CCNY: variants seen among roughly 807,000 people sequenced by gnomAD.
The protein encoded by CCNY is cyclin-Y.
A neutral mutation model predicts 42.8 loss-of-function variants in CCNY; 19 were observed. That is an observed-to-expected ratio of 0.44 (90% CI 0.31 to 0.65). The LOEUF (loss-of-function observed/expected upper bound fraction) is 0.65, where lower values mean the gene tolerates loss of function less well. CCNY is among the 30% of genes least tolerant of loss of function. The pLI, the probability that CCNY is intolerant of heterozygous loss-of-function variation, is 0.07. For missense variants in CCNY, 370 were observed against 437.3 expected, an observed-to-expected ratio of 0.85 and a Z score of 1.37; for synonymous variants, 165 against 162.7, an observed-to-expected ratio of 1.01 and a Z score of -0.11.
At chr10:35,488,799 A>G (rs1839838332) in intron 2 of CCNY, among the ~76,000 whole-genome samples, 1 of 152,234 alleles carries the variant, frequency 6.6e-6, no homozygotes, top group East Asian at 1.9e-4. Context: ...TACCAGAGTG[A>G]TTTGATACCC....
intron 5 of CCNY, among the ~76,000 whole-genome samples, chr10:35,527,436 A>G (rs1477363782): frequency 2.0e-5 from 3 of 152,344 alleles, no homozygotes; most frequent in South Asian, 2.1e-4. Flanking sequence ...CAGAGCTGAT[A>G]ATAATGAGTT....
chr10:35,349,503 G>A (rs1346876525), intron 1 of CCNY, among the ~76,000 whole-genome samples: 2 of 152,204 alleles, frequency 1.3e-5, no homozygotes, highest in Admixed American at 6.5e-5. Context: ...GCAAGTTGGC[G>A]ATACACTTCT....
chr10:35,554,071 G>A (rs767858156), intron 8 of CCNY, among the ~76,000 whole-genome samples: 2 of 152,144 alleles, frequency 1.3e-5, no homozygotes, highest in Non-Finnish European at 1.5e-5. Flanking sequence ...TAAGCTGGAG[G>A]AGGTTACCAG....
At chr10:35,533,999 T>G (rs960248885) in intron 7 of CCNY, among the ~76,000 whole-genome samples, 3 of 152,066 alleles carry the variant, frequency 2.0e-5, no homozygotes, top group Non-Finnish European at 4.4e-5. Flanking sequence ...TTTAGAACAT[T>G]GACACATTTC....
intron 7 of CCNY, among the ~76,000 whole-genome samples, chr10:35,540,088 G>A (rs1291048483): frequency 6.6e-6 from 1 of 152,132 alleles, no homozygotes; most frequent in Non-Finnish European, 1.5e-5. Flanking sequence ...GCCACAGTTA[G>A]TACCTCTAGT....
chr10:35,269,253 C>T (rs187645137), intron 3 of CCNY, among the ~76,000 whole-genome samples: 2 of 151,878 alleles, frequency 1.3e-5, no homozygotes, highest in Non-Finnish European at 2.9e-5. Flanking sequence ...TAGAGATTTT[C>T]TTTGCCAAAT....
chr10:35,392,782 G>A (rs1487090533), intron 1 of CCNY, among the ~76,000 whole-genome samples: 1 of 152,196 alleles, frequency 6.6e-6, no homozygotes, highest in African/African-American at 2.4e-5. Context: ...AAGGTTTGAG[G>A]TGGAGCGGCC....
chr10:35,504,194 C>T (rs963407371), intron 3 of CCNY, among the ~76,000 whole-genome samples: 1 of 152,178 alleles, frequency 6.6e-6, no homozygotes, highest in African/African-American at 2.4e-5. Context: ...GTAGGTAAGC[C>T]ATTTAAGACA....
At chr10:35,407,413 G>A (rs1373878433) in intron 1 of CCNY, among the ~76,000 whole-genome samples, 2 of 152,110 alleles carry the variant, frequency 1.3e-5, no homozygotes, top group Non-Finnish European at 2.9e-5. Flanking sequence ...GGAACAGACA[G>A]GAGAGAAAGA....
At chr10:35,336,381 G>C (rs1836025733), upstream of CCNY, 1 of 152,048 alleles carries the variant, frequency 6.6e-6, no homozygotes, top group Admixed American at 6.5e-5. Context: ...ACAACCGCGC[G>C]GGGCTGCGCC....
chr10:35,336,906 CGGCCGGCCGCCG>C lies in CCNY; in HGVS notation c.-147_-136del. 4 of 171,130 alleles carry C rather than the reference CGGCCGGCCGCCG, an allele frequency of 2.3e-5. No homozygotes were observed. The highest frequency in any genetic ancestry group is 2.6e-5 in the Non-Finnish European group (4 of 154,626). The allele number at this position is 171,130 out of a possible 1,614,324, so 10.6% of individuals were successfully genotyped here. A position where few individuals can be genotyped will look rare whatever the true frequency, so the allele number is the denominator to read the frequency against. On this transcript the variant is annotated 5_prime_UTR_variant, in exon 1 of 10. Transcript: ENST00000374704. ...GCCGCCGCCGCCGCTGCTGACCCGG[CGGCCGGCCGCCG>C]TTCCGCCCCCTCCCGTGGCGGCGAG...
rs754620225 is a variant in CCNY, at chr10:35,264,585, CAT to C, written c.-9+13962_-9+13963del. Among the ~76,000 whole-genome samples, 142 of 151,474 alleles carry C rather than the reference CAT, an allele frequency of 9.4e-4. 1 individual carries two copies. Among genetic ancestry groups the C allele is most frequent in the Non-Finnish European group, 3.2e-4 (22 of 67,890 alleles). ...TGATCAGTATTGTTGATTTTTTTTT[CAT>C]ATGTTTGTTGGCCACATGTATATCT... is the stretch of plus-strand genomic sequence containing the variant. On this transcript the variant is annotated intron_variant, in intron 3 of 11. Coordinates refer to the CCNY transcript ENST00000374706.
chr10:35,339,711 C>T (rs1836132208), intron 1 of CCNY, among the ~76,000 whole-genome samples: 1 of 152,180 alleles, frequency 6.6e-6, no homozygotes, highest in Non-Finnish European at 1.5e-5. Flanking sequence ...TGTATCCATG[C>T]TTTCTTCCCT....
At chr10:35,542,677 T>C (rs1306820881) in intron 7 of CCNY, among the ~76,000 whole-genome samples, 4 of 152,214 alleles carry the variant, frequency 2.6e-5, no homozygotes, top group Non-Finnish European at 4.4e-5. Context: ...ATTCAACCCC[T>C]GAACTGCAGC....
chr10:35,414,173 C>T (rs763951974), intron 1 of CCNY, among the ~76,000 whole-genome samples: 3 of 152,184 alleles, frequency 2.0e-5, no homozygotes, highest in Non-Finnish European at 2.9e-5. Context: ...GGGCATGAGT[C>T]GGAGCATGGC....
intron 2 of CCNY, among the ~76,000 whole-genome samples, chr10:35,497,966 T>G (rs1840034584): frequency 6.6e-6 from 1 of 152,104 alleles, no homozygotes; most frequent in Non-Finnish European, 1.5e-5. Context: ...ACACCACTGC[T>G]TTATGGGGGT....
At chr10:35,544,459 C>T (rs1187262032) in intron 7 of CCNY, among the ~76,000 whole-genome samples, 1 of 152,166 alleles carries the variant, frequency 6.6e-6, no homozygotes, top group Non-Finnish European at 1.5e-5. Context: ...TAGGCCGTAG[C>T]ACCTGCTTTT....
chr10:35,478,918 A>G (rs1324624310), intron 1 of CCNY, among the ~76,000 whole-genome samples: 1 of 152,250 alleles, frequency 6.6e-6, no homozygotes, highest in East Asian at 1.9e-4. Flanking sequence ...TTTACAAGAA[A>G]AACAACCGCA....
At chr10:35,333,241 G>C (rs1386266118), upstream of CCNY, among the ~76,000 whole-genome samples, 2 of 152,164 alleles carry the variant, frequency 1.3e-5, no homozygotes, top group Non-Finnish European at 2.9e-5. Flanking sequence ...TTCTGGGCTA[G>C]ATCCACACTC....
Sources: gnomAD v4.1 joint callset for allele counts (sites outside exome capture counted in the v4.1 genomes callset) on GRCh38, gnomAD v4.1.1 for gene constraint, MANE v1.5 for transcripts, NCBI Gene and HGNC (gene_info 2026-07-23, HGNC 2026-07-21) for gene names.